The following SLC44A5 variants were observed in gnomAD, a reference collection of about 807,000 sequenced individuals.
SLC44A5 encodes the protein solute carrier family 44 member 5, also known as choline transporter-like protein 5.
In SLC44A5, 57 loss-of-function variants were observed where a neutral mutation model predicts 101.8. That is an observed-to-expected ratio of 0.56 (90% confidence interval 0.45 to 0.70). The LOEUF (loss-of-function observed/expected upper bound fraction) is 0.70, where lower values mean the gene tolerates loss of function less well. Ranked by LOEUF, SLC44A5 falls within the 30% of genes least tolerant of loss-of-function variation. The probability of loss-of-function intolerance (pLI) is 0.00; values close to 1 mark genes in which losing one functional copy is unlikely to be tolerated. For synonymous variants in SLC44A5, 281 were observed against 290.9 expected (o/e 0.97, Z 0.35); for missense variants, 737 against 853.1 (o/e 0.86, Z 1.70).
chr1:75,688,070 C>A, the SLC44A5 span, among the ~76,000 whole-genome samples: 1 of 152,142 alleles, frequency 6.6e-6, no homozygotes, highest in South Asian at 2.1e-4. Flanking sequence ...AGAGAGCAAA[C>A]CTTGTTTGCC....
intron 1 of SLC44A5, among the ~76,000 whole-genome samples, chr1:75,565,908 A>G (rs544063797): frequency 6.6e-6 from 1 of 152,286 alleles, no homozygotes; most frequent in African/African-American, 2.4e-5. Flanking sequence ...AATTTTTAAA[A>G]TCCTAGTTGG....
At chr1:75,536,600 C>CAAAAAAAAAA (rs1192432333) in intron 2 of SLC44A5, among the ~76,000 whole-genome samples, 3 of 32,002 alleles carry the variant, frequency 9.4e-5, no homozygotes, top group Middle Eastern at 0.018. Flanking sequence ...GACTCCATCT[C>CAAAAAAAAAA]AAAAAAAAAA....
At position 75,392,800 on chromosome 1, in the gene SLC44A5, C is replaced by T. The variant is rs140619161; in HGVS notation, c.52+3783G>A. Among the ~76,000 whole-genome samples the T allele has an allele frequency of 9.3e-3, 1,419 of 152,298 alleles. 23 individuals are homozygous for T. The highest frequency in any genetic ancestry group is 0.033 in the African/African-American group (1,354 of 41,562). On this transcript the variant is annotated intron_variant, in intron 3 of 23. Transcript: ENST00000370859. ...GGATAAAGAAACTGTGGTACATATA[C>T]ACCAGGGAATACTATGCAGCCACAA...
intron 2 of SLC44A5, among the ~76,000 whole-genome samples, chr1:75,488,547 C>T (rs1668274631): frequency 6.6e-6 from 1 of 152,136 alleles, no homozygotes; most frequent in African/African-American, 2.4e-5. Flanking sequence ...TAATTTGTGT[C>T]TGAATTTTAA....
chr1:75,207,075 G>A (rs533241153), intron 23 of SLC44A5, among the ~76,000 whole-genome samples: 107 of 152,260 alleles, frequency 7.0e-4, no homozygotes, highest in African/African-American at 2.5e-3. Context: ...GAGCTGAATA[G>A]GAAGTATATT....
At chr1:75,619,294 G>A in the SLC44A5 span, among the ~76,000 whole-genome samples, 1 of 152,028 alleles carries the variant, frequency 6.6e-6, no homozygotes. Context: ...CTGTAAAAAT[G>A]CAGTATTATG....
chr1:75,272,869 G>T (rs948321492), intron 6 of SLC44A5, among the ~76,000 whole-genome samples: 1 of 151,998 alleles, frequency 6.6e-6, no homozygotes, highest in Non-Finnish European at 1.5e-5. Flanking sequence ...GGCTATGTGG[G>T]CTCTTTTTTT....
chr1:75,248,938 T>C (rs1224674338), intron 7 of SLC44A5, among the ~76,000 whole-genome samples: 1 of 152,096 alleles, frequency 6.6e-6, no homozygotes, highest in Non-Finnish European at 1.5e-5. Context: ...GATGCAAACC[T>C]GAGGGAGCTG....
intron 2 of SLC44A5, among the ~76,000 whole-genome samples, chr1:75,517,103 G>C (rs1669878525): frequency 6.6e-6 from 1 of 152,136 alleles, no homozygotes; most frequent in Non-Finnish European, 1.5e-5. Context: ...CTTCTTTAAA[G>C]TGAATCTACA....
Position 75,412,307 on chromosome 1 carries a change from C to T in SLC44A5, c.14-15686G>A, listed in dbSNP as rs183606745. 4.7e-3 allele frequency among the ~76,000 whole-genome samples: 710 copies of T among 152,054 alleles called. 3 individuals are homozygous for T. Among genetic ancestry groups the T allele is most frequent in the East Asian group, 8.3e-3 (43 of 5,168 alleles). ...AGCATGGATTTCAGTGATTTGGTGG[C>T]GGGAGATAAGTTCCATCACAACATA... On this transcript the variant is annotated intron_variant, in intron 2 of 23. Transcript: ENST00000370859.
chr1:75,217,208 A>C (rs1300355683), intron 18 of SLC44A5, among the ~76,000 whole-genome samples: 1 of 151,984 alleles, frequency 6.6e-6, no homozygotes, highest in Non-Finnish European at 1.5e-5. Flanking sequence ...GAAAAGACTG[A>C]TCTTTTCCCA....
At chr1:75,712,175 A>G in the SLC44A5 span, among the ~76,000 whole-genome samples, 2 of 152,270 alleles carry the variant, frequency 1.3e-5, no homozygotes, top group Non-Finnish European at 2.9e-5. Flanking sequence ...ACTACATGGT[A>G]AAGACTGGTT....
intron 4 of SLC44A5, among the ~76,000 whole-genome samples, chr1:75,305,196 C>G (rs1219463595): frequency 6.6e-6 from 1 of 152,048 alleles, no homozygotes; most frequent in Non-Finnish European, 1.5e-5. Context: ...TTGACTTTCC[C>G]TTTTTGTTAG....
At chr1:75,249,748 CTTTGAGTTAAAAACAGTACTACATGGGAT>C (rs1287402977) in intron 7 of SLC44A5, among the ~76,000 whole-genome samples, 1 of 152,118 alleles carries the variant, frequency 6.6e-6, no homozygotes. Flanking sequence ...AGATTCTGGA[CTTTGAGTTAAAAACAGTACTACATGGGAT>C]TCTGGGTTCT....
chr1:75,616,145 C>T, the SLC44A5 span, among the ~76,000 whole-genome samples: 2 of 151,852 alleles, frequency 1.3e-5, no homozygotes, highest in Non-Finnish European at 2.9e-5. Flanking sequence ...GCTGCGGCGG[C>T]GGCGGCTGCT....
At chr1:75,222,226 G>A in intron 14 of SLC44A5, 135 bp downstream of exon 14, 1 of 656,146 alleles carries the variant, frequency 1.5e-6, no homozygotes, top group South Asian at 1.8e-5. Context: ...AAAGTGCTGG[G>A]ATTACAGGTG....
intron 2 of SLC44A5, among the ~76,000 whole-genome samples, chr1:75,510,818 T>A (rs1669523903): frequency 6.6e-6 from 1 of 152,156 alleles, no homozygotes; most frequent in Non-Finnish European, 1.5e-5. Flanking sequence ...TGAACCCAAT[T>A]CTGATCAACA....
chr1:75,556,972 A>G (rs1570606619), intron 1 of SLC44A5, among the ~76,000 whole-genome samples: 1 of 152,152 alleles, frequency 6.6e-6, no homozygotes, highest in East Asian at 1.9e-4. Context: ...TAAGGGTCAT[A>G]CTGGCTGAAT....
intron 15 of SLC44A5, among the ~76,000 whole-genome samples, 171 bp downstream of exon 15, chr1:75,219,629 G>T (rs1238958236): frequency 6.6e-6 from 1 of 152,068 alleles, no homozygotes; most frequent in African/African-American, 2.4e-5. Flanking sequence ...TGAACTATTT[G>T]AGGGGAAATT....
Sources: gnomAD v4.1 joint callset for allele counts (sites outside exome capture counted in the v4.1 genomes callset) on GRCh38, gnomAD v4.1.1 for gene constraint, MANE v1.5 for transcripts, NCBI Gene and HGNC (gene_info 2026-07-23, HGNC 2026-07-21) for gene names.